Variants in VAPB observed in about 807,000 individuals in gnomAD.
VAPB encodes the protein VAMP associated protein B and C, also known as vesicle-associated membrane protein-associated protein B/C.
In VAPB, 7 loss-of-function variants were observed where a neutral mutation model predicts 25.6. The observed-to-expected ratio is 0.27, with a 90% CI of 0.16 to 0.51. The LOEUF is 0.51. Ranked by LOEUF, VAPB falls within the 20% of genes least tolerant of loss-of-function variation. The probability of loss-of-function intolerance (pLI) is 0.97; values close to 1 mark genes in which losing one functional copy is unlikely to be tolerated. For missense variants in VAPB, 266 were observed against 301.3 expected (o/e 0.88, Z 0.87); for synonymous variants, 112 against 109.2 (o/e 1.03, Z -0.16).
chr20:58,404,278 A>G (rs1018135797), intron 1 of VAPB, among the ~76,000 whole-genome samples: 1 of 152,166 alleles, frequency 6.6e-6, no homozygotes, highest in Non-Finnish European at 1.5e-5. Context: ...GCCACACCGC[A>G]TCTTTCCAGC....
At chr20:58,438,874 C>A in intron 3 of VAPB, 71 bp from the exon 4 acceptor site, 1 of 1,336,544 alleles carries the variant, frequency 7.5e-7, no homozygotes, top group South Asian at 1.2e-5. Context: ...CTGAAATTGT[C>A]AGTTATAGGA....
intron 1 of VAPB, among the ~76,000 whole-genome samples, chr20:58,392,621 A>G (rs903836464): frequency 6.6e-6 from 1 of 152,244 alleles, no homozygotes; most frequent in African/African-American, 2.4e-5. Context: ...CTTCCAGGTT[A>G]CTCAGGGTGA....
intron 1 of VAPB, among the ~76,000 whole-genome samples, chr20:58,395,064 T>G (rs1469216794): frequency 1.3e-5 from 2 of 152,200 alleles, no homozygotes; most frequent in Non-Finnish European, 2.9e-5. Flanking sequence ...GAGTATATTA[T>G]ATTGGTTATC....
chr20:58,446,038 G>A lies in VAPB; in HGVS notation c.*1803G>A. ...GAAACTGGAGAAGTGGAAGTCTATG[G>A]TTGGTCTGAGTAAGTAACTTCCTGT... On this transcript the variant is annotated 3_prime_UTR_variant, in exon 6 of 6. Transcript: ENST00000475243. 2.2e-6 allele frequency: 1 copy of A among 454,102 alleles called. No individual in the cohort carries two copies. Among genetic ancestry groups the A allele is most frequent in the South Asian group, 1.6e-5 (1 of 64,478 alleles). The allele number at this position is 454,102 out of a possible 1,614,324, so 28.1% of individuals were successfully genotyped here.
In VAPB at chr20:58,448,942, T is replaced by C. The variant is rs1170423589; in HGVS notation, c.*4707T>C. ...GGCTTTACATGACTTGTAAATTAAA[T>C]GTGAATGAGGGCAGTTGATTAAAAT... On this transcript the variant is annotated 3_prime_UTR_variant, in exon 6 of 6. Transcript: ENST00000475243. 6.6e-6 allele frequency: 3 copies of C among 453,962 alleles called. No individual in the cohort carries two copies. The highest frequency in any genetic ancestry group is 2.4e-5 in the Admixed American group (1 of 42,552). The allele number at this position is 453,962 out of a possible 1,614,324, so 28.1% of individuals were successfully genotyped here.
In VAPB at chr20:58,445,684, C is replaced by G. The variant is rs978653464; in HGVS notation, c.*1449C>G. ...GAAATACGTGTTTCATGATTTAACT[C>G]TGTGTGTGTGTGTGTGTGTGTGTGT... is the stretch of plus-strand genomic sequence containing the variant. On this transcript the variant is annotated 3_prime_UTR_variant, in exon 6 of 6. Transcript: ENST00000475243. The G allele has an allele frequency of 2.3e-5, 10 of 432,636 alleles. No homozygotes were observed. Among genetic ancestry groups the G allele is most frequent in the African/African-American group, 8.4e-5 (4 of 47,838 alleles). 26.8% of individuals were successfully genotyped at this position (432,636 alleles called of 1,614,324 possible). A position where few individuals can be genotyped will look rare whatever the true frequency, so the allele number is the denominator to read the frequency against.
chr20:58,404,150 C>CTTGGT (rs1988167978), intron 1 of VAPB, among the ~76,000 whole-genome samples: 2 of 152,208 alleles, frequency 1.3e-5, no homozygotes, highest in South Asian at 4.1e-4. Context: ...AGATATTTTT[C>CTTGGT]TAAAAATTGA....
chr20:58,441,344 CA>C (rs1005146511), intron 5 of VAPB, among the ~76,000 whole-genome samples: 6 of 150,532 alleles, frequency 4.0e-5, no homozygotes, highest in African/African-American at 1.5e-4. Context: ...AAAAAAAAAA[CA>C]AAAACAAAAA....
Position 58,444,958 on chromosome 20 carries a change from T to A in VAPB, c.*723T>A, listed in dbSNP as rs1490321635. On this transcript the variant is annotated 3_prime_UTR_variant, in exon 6 of 6. Transcript: ENST00000475243. Reference sequence around the variant, plus strand: ...TTTAATGCATATTTAACTTATTTAATGTATTTCATCTCATGTTTTCTTATT... The same window carrying A: ...TTTAATGCATATTTAACTTATTTAAAGTATTTCATCTCATGTTTTCTTATT... The A allele has an allele frequency of 2.2e-6, 1 of 454,684 alleles. No individual in the cohort carries two copies. The highest frequency in any genetic ancestry group is 4.4e-6 in the Non-Finnish European group (1 of 226,802). 28.2% of individuals were successfully genotyped at this position (454,684 alleles called of 1,614,324 possible).
At chr20:58,404,407 C>T (rs12626050) in intron 1 of VAPB, among the ~76,000 whole-genome samples, 11,801 of 152,252 alleles carry the variant, frequency 0.078, 738 homozygotes, top group East Asian at 0.26. Flanking sequence ...TCAAAGTGTA[C>T]TTTGCGTTAT....
chr20:58,393,962 C>T (rs1020955487), intron 1 of VAPB, among the ~76,000 whole-genome samples: 1 of 152,230 alleles, frequency 6.6e-6, no homozygotes, highest in African/African-American at 2.4e-5. Flanking sequence ...GAACTCCCGA[C>T]CTCAGGTGAT....
At chr20:58,425,794 C>A (rs2123071590) in intron 2 of VAPB, among the ~76,000 whole-genome samples, 1 of 152,236 alleles carries the variant, frequency 6.6e-6, no homozygotes, top group Non-Finnish European at 1.5e-5. Context: ...GAGGTGGGGT[C>A]CAGCAGTCTG....
chr20:58,391,489 G>A (rs1351648472), intron 1 of VAPB, among the ~76,000 whole-genome samples: 2 of 152,068 alleles, frequency 1.3e-5, no homozygotes, highest in Non-Finnish European at 2.9e-5. Context: ...TGCATGCACA[G>A]AGGCACAAAC....
intron 5 of VAPB, among the ~76,000 whole-genome samples, chr20:58,443,827 T>A (rs984586342): frequency 1.5e-4 from 23 of 152,218 alleles, no homozygotes; most frequent in Admixed American, 1.4e-3. Flanking sequence ...AGGAGCACCC[T>A]GTTTAGATGT....
intron 1 of VAPB, among the ~76,000 whole-genome samples, chr20:58,409,837 G>C (rs975219288): frequency 2.0e-5 from 3 of 151,544 alleles, no homozygotes; most frequent in Admixed American, 6.6e-5. Context: ...TGTGAAACCA[G>C]AATTTCATGA....
intron 1 of VAPB, among the ~76,000 whole-genome samples, chr20:58,407,167 G>GA (rs963004976): frequency 1.3e-5 from 2 of 151,814 alleles, no homozygotes; most frequent in South Asian, 2.1e-4. Context: ...TTTCTATTAC[G>GA]AAAAAAAATC....
At chr20:58,418,476 A>C (rs1988598995) in intron 2 of VAPB, 113 bp downstream of exon 2, 3 of 1,331,546 alleles carry the variant, frequency 2.3e-6, no homozygotes, top group Admixed American at 2.5e-5. Flanking sequence ...AATTCTCTCC[A>C]CCCCACCCCC....
chr20:58,438,761 A>T (rs1989098735), intron 3 of VAPB, among the ~76,000 whole-genome samples, 184 bp from the exon 4 acceptor site: 1 of 152,232 alleles, frequency 6.6e-6, no homozygotes, highest in Non-Finnish European at 1.5e-5. Flanking sequence ...TATTTTGAGA[A>T]AGTGAGTGTA....
chr20:58,416,002 A>T (rs1215887170), intron 1 of VAPB, among the ~76,000 whole-genome samples: 1 of 152,148 alleles, frequency 6.6e-6, no homozygotes, highest in Admixed American at 6.5e-5. Flanking sequence ...TACCCACGGG[A>T]CTTTGTTATT....
Sources: gnomAD v4.1 joint callset for allele counts (sites outside exome capture counted in the v4.1 genomes callset) on GRCh38, gnomAD v4.1.1 for gene constraint, MANE v1.5 for transcripts, NCBI Gene and HGNC (gene_info 2026-07-23, HGNC 2026-07-21) for gene names.